Variants in SLC6A18 observed in about 807,000 individuals in gnomAD.
SLC6A18 encodes the protein solute carrier family 6 member 18.
SLC6A18 carries 58 observed loss-of-function variants against 62.9 expected under a neutral mutation model. That is an observed-to-expected ratio of 0.92 (90% CI 0.75 to 1.15). SLC6A18 has a LOEUF of 1.15. Ranked by LOEUF, SLC6A18 falls within the 50% of genes most tolerant of loss-of-function variation. SLC6A18 has a pLI of 0.00. For missense variants in SLC6A18, 793 were observed against 836.6 expected (o/e 0.95, Z 0.64); for synonymous variants, 382 against 365.8 (o/e 1.04, Z -0.51).
intron 1 of SLC6A18, among the ~76,000 whole-genome samples, chr5:1,231,312 G>T (rs1228187368): frequency 6.6e-6 from 1 of 152,130 alleles, no homozygotes; most frequent in East Asian, 1.9e-4. Flanking sequence ...CCTGGGGCCT[G>T]TGGGGCCTTC....
rs1372200259 is a variant in SLC6A18 at position 1,242,845 on chromosome 5, G to A, written c.1113G>A (p.Leu371=). 1 of 1,611,130 alleles carries A rather than the reference G, an allele frequency of 6.2e-7. No homozygotes were observed. The highest frequency in any genetic ancestry group is 2.2e-5 in the East Asian group (1 of 44,834). Residue 371 remains leucine, a synonymous_variant, in exon 8 of 12, where the codon CTG becomes CTA. Transcript: ENST00000324642. ...VAQLPLKACL[L]EDFLDKSASG... ...AGCTCCCCCTGAAGGCCTGCCTCCTGGAAGACTTTCTGGATAAGGTACCTG... is the reference window on the plus strand; with the variant it reads ...AGCTCCCCCTGAAGGCCTGCCTCCTAGAAGACTTTCTGGATAAGGTACCTG...
At chr5:1,233,932 G>A (rs575531224) in intron 3 of SLC6A18, among the ~76,000 whole-genome samples, 36 of 152,046 alleles carry the variant, frequency 2.4e-4, no homozygotes, top group African/African-American at 4.3e-4. Context: ...TAGTAGAGAC[G>A]GGGTTTCACC....
chr5:1,240,432 A>G (rs1579532513), intron 6 of SLC6A18, 99 bp from the exon 7 acceptor site: 1 of 1,543,838 alleles, frequency 6.5e-7, no homozygotes, highest in Non-Finnish European at 8.8e-7. Context: ...CCCAGGCGGG[A>G]GAGAGGGTCA....
intron 1 of SLC6A18, among the ~76,000 whole-genome samples, chr5:1,227,641 A>G (rs1232181131): frequency 6.6e-6 from 1 of 152,252 alleles, no homozygotes; most frequent in Admixed American, 6.5e-5. Flanking sequence ...TCTCCCATTC[A>G]TAAGTATTCA....
At chr5:1,244,178 C>CAA (rs2126542976) in intron 9 of SLC6A18, 36 bp from the exon 10 acceptor site, 63 of 593,820 alleles carry the variant, frequency 1.1e-4, no homozygotes, top group Non-Finnish European at 1.7e-4. Flanking sequence ...CACTCCCCAT[C>CAA]CCCTTACCCC....
At chr5:1,236,819 G>A (rs916948458) in intron 4 of SLC6A18, among the ~76,000 whole-genome samples, 6 of 152,144 alleles carry the variant, frequency 3.9e-5, no homozygotes, top group African/African-American at 1.4e-4. Context: ...TCAGTGTGCT[G>A]AGGTTGTCAT....
intron 4 of SLC6A18, among the ~76,000 whole-genome samples, chr5:1,236,099 T>G (rs1372242313): frequency 6.6e-6 from 1 of 151,994 alleles, no homozygotes; most frequent in East Asian, 1.9e-4. Context: ...GGTTTAGCTC[T>G]GTCCTCAGAT....
intron 4 of SLC6A18, among the ~76,000 whole-genome samples, chr5:1,237,092 A>C (rs79151445): frequency 6.8e-6 from 1 of 146,636 alleles, no homozygotes; most frequent in Non-Finnish European, 1.5e-5. Flanking sequence ...AAAAAAAAAA[A>C]TTAGCCAGCC....
Position 1,232,903 on chromosome 5 carries a change from G to A in SLC6A18, c.439+15G>A, listed in dbSNP as rs367721326. ...CAACAGAACAGGTGAGCTGGGCGCC[G>A]CCTGCTGTGTGGGTCCGTGCACGGC... On this transcript the variant is annotated intron_variant, in intron 3 of 11. Coordinates refer to ENST00000324642, the MANE Select transcript of SLC6A18 (RefSeq NM_182632.3). 1.7e-5 allele frequency: 27 copies of A among 1,602,974 alleles called. No individual in the cohort carries two copies. The highest frequency in any genetic ancestry group is 4.0e-5 in the African/African-American group (3 of 74,806).
chr5:1,226,071 C>T (rs1443450141), intron 1 of SLC6A18, among the ~76,000 whole-genome samples: 1 of 152,202 alleles, frequency 6.6e-6, no homozygotes, highest in Admixed American at 6.5e-5. Context: ...GCTCAGGTGC[C>T]CTTCTCCGAG....
intron 7 of SLC6A18, 50 bp downstream of exon 7, chr5:1,240,709 G>A: frequency 5.6e-6 from 9 of 1,606,166 alleles, no homozygotes; most frequent in Non-Finnish European, 7.6e-6. Context: ...CGCCAGACAG[G>A]TGCCTGCCGC....
Position 1,244,782 on chromosome 5 carries a change from T to C in SLC6A18, c.1656+15T>C. On this transcript the variant is annotated intron_variant, in intron 11 of 11. Transcript: ENST00000324642. The stretch of plus-strand genomic sequence containing the variant: ...ACCCCAAATACGTAGGTCCTTCCGG[T>C]GGGAACCTGGGAAGTCCTGGGACCC... 6.3e-7 allele frequency: 1 copy of C among 1,583,790 alleles called. No homozygotes were observed. Among genetic ancestry groups the C allele is most frequent in the Non-Finnish European group, 8.6e-7 (1 of 1,158,720 alleles).
chr5:1,244,899 C>A, intron 11 of SLC6A18, 132 bp downstream of exon 11: 1 of 1,123,864 alleles, frequency 8.9e-7, no homozygotes, highest in Non-Finnish European at 1.2e-6. Flanking sequence ...GGCGTGGTCA[C>A]TTCTGCCTGG....
intron 3 of SLC6A18, among the ~76,000 whole-genome samples, chr5:1,234,777 C>T (rs1227501969): frequency 6.6e-6 from 1 of 152,248 alleles, no homozygotes; most frequent in East Asian, 1.9e-4. Context: ...CAATGACTGG[C>T]AGGGCCTTAG....
intron 1 of SLC6A18, among the ~76,000 whole-genome samples, chr5:1,227,113 C>T (rs564919322): frequency 3.6e-4 from 31 of 87,148 alleles, no homozygotes; most frequent in African/African-American, 4.8e-4. Flanking sequence ...GCCTTGCCCG[C>T]CGACGCCTTG....
intron 7 of SLC6A18, 93 bp downstream of exon 7, chr5:1,240,752 G>C: frequency 1.9e-6 from 3 of 1,547,578 alleles, no homozygotes; most frequent in Non-Finnish European, 2.6e-6. Flanking sequence ...GAAGGGTGGC[G>C]TGGGCACATT....
At chr5:1,239,873 G>A (rs1047735113) in intron 6 of SLC6A18, among the ~76,000 whole-genome samples, 4 of 152,238 alleles carry the variant, frequency 2.6e-5, no homozygotes, top group East Asian at 1.9e-4. Flanking sequence ...CGTTGGTGCC[G>A]ACATGAGCAG....
At chr5:1,232,404 A>AG (rs779120719) in intron 2 of SLC6A18, 45 bp downstream of exon 2, 1 of 1,578,720 alleles carries the variant, frequency 6.3e-7, no homozygotes. Context: ...TGCCAGGGAC[A>AG]GGGCCCTCCT....
At chr5:1,244,512 G>A in intron 10 of SLC6A18, 96 bp from the exon 11 acceptor site, 1 of 1,544,878 alleles carries the variant, frequency 6.5e-7, no homozygotes, top group Non-Finnish European at 8.7e-7. Flanking sequence ...GGCACCAGAG[G>A]GTGCAGGTTG....
Sources: gnomAD v4.1 joint callset for allele counts (sites outside exome capture counted in the v4.1 genomes callset) on GRCh38, gnomAD v4.1.1 for gene constraint, MANE v1.5 for transcripts, NCBI Gene and HGNC (gene_info 2026-07-23, HGNC 2026-07-21) for gene names.